The following DTNA variants were observed in gnomAD, a reference collection of about 807,000 sequenced individuals.
The protein encoded by DTNA is dystrobrevin alpha, also known as dystrophin-related protein 3.
A neutral mutation model predicts 100.7 loss-of-function variants in DTNA; 43 were observed. The ratio of observed to expected loss-of-function variants is 0.43; its 90% confidence interval spans 0.33 to 0.55. The LOEUF is 0.55. Ranked by LOEUF, DTNA falls within the 20% of genes least tolerant of loss-of-function variation. DTNA has a pLI of 0.04. For synonymous variants in DTNA, 349 were observed against 347.9 expected (o/e 1.00, Z -0.04); for missense variants, 798 against 953.9 (o/e 0.84, Z 2.15).
chr18:34,561,865 T>G (rs2046667830), intron 1 of DTNA, among the ~76,000 whole-genome samples: 1 of 152,168 alleles, frequency 6.6e-6, no homozygotes, highest in Non-Finnish European at 1.5e-5. Context: ...AGTAATAAAT[T>G]TCATTTTTGA....
At chr18:34,606,657 C>T (rs2053185929) in intron 1 of DTNA, among the ~76,000 whole-genome samples, 1 of 152,046 alleles carries the variant, frequency 6.6e-6, no homozygotes, top group East Asian at 1.9e-4. Context: ...TAAAGGTGCC[C>T]AGAGAAGACA....
At chr18:34,589,702 T>G (rs9807488) in intron 1 of DTNA, among the ~76,000 whole-genome samples, 15,628 of 152,218 alleles carry the variant, frequency 0.1, 1,152 homozygotes, top group African/African-American at 0.21. Context: ...TAGTCTTTGT[T>G]CTATATGCTA....
chr18:34,887,049 C>T (rs558582441), intron 22 of DTNA, among the ~76,000 whole-genome samples: 1 of 152,256 alleles, frequency 6.6e-6, no homozygotes, highest in South Asian at 2.1e-4. Flanking sequence ...ATTAGTTAGC[C>T]ATCCGCCAAG....
chr18:34,641,567 A>C (rs2059282746), intron 1 of DTNA, among the ~76,000 whole-genome samples: 1 of 152,228 alleles, frequency 6.6e-6, no homozygotes, highest in Admixed American at 6.5e-5. Context: ...GAACAATATC[A>C]ATAATTCATT....
intron 3 of DTNA, among the ~76,000 whole-genome samples, chr18:34,792,497 T>TA (rs2094792988): frequency 6.6e-6 from 1 of 152,160 alleles, no homozygotes; most frequent in Non-Finnish European, 1.5e-5. Context: ...ATTAGGTATA[T>TA]AGCCAGGAGA....
intron 1 of DTNA, among the ~76,000 whole-genome samples, chr18:34,526,307 T>C (rs2042608498): frequency 1.3e-5 from 2 of 152,100 alleles, no homozygotes; most frequent in Non-Finnish European, 1.5e-5. Context: ...ATTAATTAAT[T>C]TAAAAATAAA....
At chr18:34,870,675 T>C (rs1420499188) in intron 17 of DTNA, among the ~76,000 whole-genome samples, 1 of 152,106 alleles carries the variant, frequency 6.6e-6, no homozygotes, top group Admixed American at 6.6e-5. Flanking sequence ...CTCCCTCTTC[T>C]AGCCTCATTT....
At chr18:34,610,480 T>G (rs1387969034) in intron 1 of DTNA, among the ~76,000 whole-genome samples, 1 of 152,212 alleles carries the variant, frequency 6.6e-6, no homozygotes, top group Non-Finnish European at 1.5e-5. Flanking sequence ...ATACGGAACA[T>G]GATTTTGAAG....
intron 1 of DTNA, among the ~76,000 whole-genome samples, chr18:34,614,289 G>C (rs1476689350): frequency 6.6e-6 from 1 of 152,206 alleles, no homozygotes; most frequent in African/African-American, 2.4e-5. Context: ...CAGGAGCTCT[G>C]ATGGAGATGT....
At chr18:34,507,076 A>G (rs913337322) in intron 1 of DTNA, among the ~76,000 whole-genome samples, 2 of 152,202 alleles carry the variant, frequency 1.3e-5, no homozygotes, top group African/African-American at 4.8e-5. Flanking sequence ...AGATGGGTTC[A>G]CAATGCAGTC....
intron 1 of DTNA, among the ~76,000 whole-genome samples, chr18:34,605,473 G>A (rs1193257752): frequency 6.6e-6 from 1 of 152,158 alleles, no homozygotes; most frequent in African/African-American, 2.4e-5. Flanking sequence ...AATTTTCAAA[G>A]CAGAGACATT....
At chr18:34,821,379 A>G in intron 9 of DTNA, 1 of 450,214 alleles carries the variant, frequency 2.2e-6, no homozygotes, top group Admixed American at 2.4e-5. Flanking sequence ...AAGCTGTATA[A>G]CTTTAGAAGA....
chr18:34,752,608 A>G (rs1394003763), intron 1 of DTNA, among the ~76,000 whole-genome samples: 2 of 152,202 alleles, frequency 1.3e-5, no homozygotes, highest in Admixed American at 1.3e-4. Context: ...TGACTACACT[A>G]CTTTCCAGAA....
intron 1 of DTNA, among the ~76,000 whole-genome samples, chr18:34,657,660 G>C (rs1033211556): frequency 7.9e-5 from 12 of 152,056 alleles, no homozygotes; most frequent in African/African-American, 2.7e-4. Context: ...TTTAGACAAG[G>C]AAGACTACTA....
chr18:34,565,777 A>G lies in DTNA; in HGVS notation c.-2+72263A>G, dbSNP rs140896281. Among the ~76,000 whole-genome samples, 546 of 152,344 alleles carry G rather than the reference A, an allele frequency of 3.6e-3. 4 individuals are homozygous for G. Among genetic ancestry groups the G allele is most frequent in the African/African-American group, 0.012 (507 of 41,574 alleles). ...CCCAAGATCTAACTTAATTATGTCTATAAAGACTCTTTTCCCAAATACTGT... is the reference window on the plus strand; with the variant it reads ...CCCAAGATCTAACTTAATTATGTCTGTAAAGACTCTTTTCCCAAATACTGT... On this transcript the variant is annotated intron_variant, in intron 1 of 19. Coordinates refer to the DTNA transcript ENST00000283365.
chr18:34,697,313 T>G (rs971571666), intron 1 of DTNA, among the ~76,000 whole-genome samples: 2 of 152,208 alleles, frequency 1.3e-5, no homozygotes, highest in Non-Finnish European at 2.9e-5. Context: ...AAAAGCAGAT[T>G]AGTTTCCTCA....
At chr18:34,886,220 A>T (rs550408333) in intron 22 of DTNA, among the ~76,000 whole-genome samples, 1 of 152,232 alleles carries the variant, frequency 6.6e-6, no homozygotes, top group African/African-American at 2.4e-5. Context: ...CTCAGTCCTC[A>T]GGTTAAAATT....
At chr18:34,759,582 G>A (rs376042978) in intron 2 of DTNA, among the ~76,000 whole-genome samples, 9 of 152,330 alleles carry the variant, frequency 5.9e-5, no homozygotes, top group Non-Finnish European at 1.2e-4. Context: ...GAAGGTCCTG[G>A]GGAGAAATGA....
chr18:34,883,813 G>A (rs2096896523), intron 21 of DTNA, among the ~76,000 whole-genome samples: 1 of 152,158 alleles, frequency 6.6e-6, no homozygotes, highest in African/African-American at 2.4e-5. Flanking sequence ...TTGCCTCTTT[G>A]GAATGTTCCA....
Sources: gnomAD v4.1 joint callset for allele counts (sites outside exome capture counted in the v4.1 genomes callset) on GRCh38, gnomAD v4.1.1 for gene constraint, MANE v1.5 for transcripts, NCBI Gene and HGNC (gene_info 2026-07-23, HGNC 2026-07-21) for gene names.